Variants in AKAP6 observed in about 807,000 individuals in gnomAD.
AKAP6 encodes A-kinase anchor protein 6.
In AKAP6, 58 loss-of-function variants were observed where a neutral mutation model predicts 188.5. That is an observed-to-expected ratio of 0.31 (90% confidence interval 0.25 to 0.38). The LOEUF (loss-of-function observed/expected upper bound fraction) is 0.38. Ranked by LOEUF, AKAP6 falls within the 10% of genes least tolerant of loss-of-function variation. AKAP6 has a pLI of 1.00. For missense variants in AKAP6, 2,710 were observed against 2,740.0 expected (o/e 0.99, Z 0.24); for synonymous variants, 989 against 998.6 (o/e 0.99, Z 0.18).
chr14:32,664,750 T>C (rs954824923), intron 7 of AKAP6, among the ~76,000 whole-genome samples: 1 of 152,014 alleles, frequency 6.6e-6, no homozygotes, highest in African/African-American at 2.4e-5. Context: ...TCTCTGACTG[T>C]GCAAATTAGG....
At chr14:32,379,224 G>A (rs1434612582) in intron 1 of AKAP6, among the ~76,000 whole-genome samples, 1 of 152,046 alleles carries the variant, frequency 6.6e-6, no homozygotes, top group Non-Finnish European at 1.5e-5. Context: ...CCAGCCATGA[G>A]TGTAAGATTA....
intron 7 of AKAP6, among the ~76,000 whole-genome samples, chr14:32,639,853 G>C (rs746368858): frequency 4.6e-5 from 7 of 152,114 alleles, no homozygotes; most frequent in Non-Finnish European, 1.0e-4. Flanking sequence ...ACTGGAGAAA[G>C]ACCATGGCAC....
intron 2 of AKAP6, among the ~76,000 whole-genome samples, chr14:32,494,536 A>G (rs554054235): frequency 6.6e-6 from 1 of 152,310 alleles, no homozygotes; most frequent in African/African-American, 2.4e-5. Context: ...AAGTTTCATA[A>G]TTATGAAAAA....
chr14:32,600,201 T>C (rs914251477), intron 6 of AKAP6, among the ~76,000 whole-genome samples: 1 of 152,230 alleles, frequency 6.6e-6, no homozygotes, highest in African/African-American at 2.4e-5. Flanking sequence ...GCCGTCTTAA[T>C]TCTGGCCTAT....
chr14:32,471,552 C>T (rs1001346719), intron 2 of AKAP6, among the ~76,000 whole-genome samples: 1 of 152,216 alleles, frequency 6.6e-6, no homozygotes, highest in Non-Finnish European at 1.5e-5. Context: ...GACTTAGTTT[C>T]ATAGGCCATT....
In AKAP6 at chr14:32,515,647, G is replaced by A. The variant is rs1249693628; in HGVS notation, c.325-19907G>A. 2.6e-5 allele frequency among the ~76,000 whole-genome samples: 4 copies of A among 152,176 alleles called. No individual in the cohort carries two copies. The South Asian group carries it at 8.3e-4, about 32-fold the overall frequency. ...GGAAACTGAGGCTCAGCAATCTATG[G>A]GGATACAGATAACCAATACACACAG... On this transcript the variant is annotated intron_variant, in intron 2 of 13. Transcript: ENST00000280979.
At chr14:32,577,058 A>G in intron 4 of AKAP6, 62 bp from the exon 5 acceptor site, 2 of 1,555,144 alleles carry the variant, frequency 1.3e-6, no homozygotes, top group South Asian at 1.2e-5. Flanking sequence ...GGCTTTTTAC[A>G]GAATAACCAA....
At chr14:32,520,838 AT>A (rs1028987479) in intron 2 of AKAP6, among the ~76,000 whole-genome samples, 3 of 152,208 alleles carry the variant, frequency 2.0e-5, no homozygotes, top group Non-Finnish European at 2.9e-5. Context: ...TCCCTAACTC[AT>A]TTTATGAGAC....
intron 8 of AKAP6, among the ~76,000 whole-genome samples, chr14:32,684,007 C>T (rs1002893322): frequency 2.6e-5 from 4 of 152,150 alleles, no homozygotes; most frequent in Admixed American, 2.0e-4. Flanking sequence ...GACTTGGGCA[C>T]TCTAGGAGAC....
chr14:32,821,264 T>C, intron 12 of AKAP6, 138 bp from the exon 13 acceptor site: 2 of 842,462 alleles, frequency 2.4e-6, no homozygotes, highest in East Asian at 2.6e-5. Context: ...AGGAATAGAG[T>C]TGATAATTAG....
chr14:32,544,445 G>A (rs912851563), intron 3 of AKAP6, among the ~76,000 whole-genome samples: 3 of 152,136 alleles, frequency 2.0e-5, no homozygotes, highest in Non-Finnish European at 2.9e-5. Context: ...ATAGTTAATC[G>A]TAATGCTGTT....
intron 11 of AKAP6, among the ~76,000 whole-genome samples, chr14:32,741,819 G>GTTTTTTT (rs34015837): frequency 8.5e-5 from 6 of 70,710 alleles, no homozygotes; most frequent in Non-Finnish European, 1.3e-4. Flanking sequence ...TAGCCTGTAG[G>GTTTTTTT]TTTTTTTTTT....
intron 2 of AKAP6, among the ~76,000 whole-genome samples, chr14:32,501,267 A>C (rs530476694): frequency 2.5e-4 from 38 of 152,318 alleles, no homozygotes; most frequent in African/African-American, 8.9e-4. Flanking sequence ...TTTGAAATCC[A>C]GTGTGTATCT....
Position 32,834,531 on chromosome 14 carries a change from G to GTGTTTTTTTTTTTTTTTT in AKAP6, c.*4727_*4728insGTTTTTTTTTTTTTTTTT. ...ATCACACACTGCTTTTAGTTTCCAA[G>GTGTTTTTTTTTTTTTTTT]TCTTTTTTTTTTTTTTTTTTTTTAA... is the stretch of plus-strand genomic sequence containing the variant. On this transcript the variant is annotated 3_prime_UTR_variant, in exon 14 of 14. Coordinates refer to ENST00000280979, the MANE Select transcript of AKAP6 (RefSeq NM_004274.5). The GTGTTTTTTTTTTTTTTTT allele has an allele frequency of 2.2e-5, 2 of 90,554 alleles. No homozygotes were observed. Among genetic ancestry groups the GTGTTTTTTTTTTTTTTTT allele is most frequent in the South Asian group, 7.6e-4 (2 of 2,624 alleles). The allele number at this position is 90,554 out of a possible 1,614,324, so 5.6% of individuals were successfully genotyped here. A position where few individuals can be genotyped will look rare whatever the true frequency, so the allele number is the denominator to read the frequency against.
At chr14:32,523,035 A>G (rs1386446211) in intron 2 of AKAP6, among the ~76,000 whole-genome samples, 6 of 152,194 alleles carry the variant, frequency 3.9e-5, no homozygotes, top group African/African-American at 1.4e-4. Flanking sequence ...AGGGACATGG[A>G]TGAAGCTGGA....
intron 2 of AKAP6, among the ~76,000 whole-genome samples, chr14:32,509,137 TTTTTTTTGA>T (rs1881034253): frequency 7.4e-6 from 1 of 135,736 alleles, no homozygotes; most frequent in East Asian, 2.1e-4. Context: ...TTTTTTTTTT[TTTTTTTTGA>T]GAGAGTCTTG....
chr14:32,779,596 A>T (rs977834657), intron 12 of AKAP6, among the ~76,000 whole-genome samples: 6 of 152,144 alleles, frequency 3.9e-5, no homozygotes, highest in African/African-American at 1.4e-4. Context: ...TCTTAATGAT[A>T]AAGATGCCAA....
In AKAP6 at chr14:32,535,607, A is replaced by C; in HGVS notation, c.378A>C (p.Glu126Asp). The change falls in exon 3 of 14, where the codon GAA becomes GAC. Residue 126 changes from glutamate to aspartate, a missense_variant. Glu to Asp is a conservative substitution (Grantham distance 45). This residue lies in a region of AKAP6 where 237 missense variants were observed against 313.9 expected (regional missense o/e 0.76). Transcript: ENST00000280979. ...DHVEQIHALL[E>D]TEFSLKLLSY... ...TTGAGCAAATCCATGCCCTCCTTGAAACAGAGTTCTCCCTAAAGCTGCTGT... is the reference window on the plus strand; with the variant it reads ...TTGAGCAAATCCATGCCCTCCTTGACACAGAGTTCTCCCTAAAGCTGCTGT... 1 of 1,614,172 alleles carries C rather than the reference A, an allele frequency of 6.2e-7. No individual in the cohort carries two copies. The highest frequency in any genetic ancestry group is 1.1e-5 in the South Asian group (1 of 91,090).
chr14:32,670,106 A>AG (rs60625503), intron 7 of AKAP6, among the ~76,000 whole-genome samples: 26,968 of 150,058 alleles, frequency 0.18, 3,856 homozygotes, highest in East Asian at 0.41. Context: ...CAAAAAAAAA[A>AG]AAAAAAAGCC....
Sources: allele counts gnomAD v4.1 joint callset (sites outside exome capture counted in the v4.1 genomes callset), GRCh38; gene constraint gnomAD v4.1.1; regional missense constraint gnomAD v4.1.1; transcripts MANE v1.5; gene names NCBI Gene and HGNC (gene_info 2026-07-23, HGNC 2026-07-21).